NADSYN1: variants seen among roughly 807,000 people sequenced by gnomAD.
The protein encoded by NADSYN1 is NAD synthetase 1.
NADSYN1 carries 80 observed loss-of-function variants against 99.3 expected under a neutral mutation model. That is an observed-to-expected ratio of 0.81 (90% confidence interval 0.67 to 0.97). The LOEUF is 0.97. NADSYN1 is among the 50% of genes least tolerant of loss of function. The pLI, the probability that NADSYN1 is intolerant of heterozygous loss-of-function variation, is 0.00. For missense variants in NADSYN1, 859 were observed against 948.5 expected (o/e 0.91, Z 1.24); for synonymous variants, 385 against 372.1 (o/e 1.03, Z -0.40).
chr11:71,484,560 T>TG, intron 15 of NADSYN1, 113 bp downstream of exon 15: 1 of 1,424,714 alleles, frequency 7.0e-7, no homozygotes, highest in Non-Finnish European at 9.3e-7. Context: ...ATGAAGCTCA[T>TG]GGCACCGGTT....
chr11:71,490,181 T>G (rs1172529587), intron 16 of NADSYN1, among the ~76,000 whole-genome samples: 3 of 152,152 alleles, frequency 2.0e-5, no homozygotes, highest in Non-Finnish European at 2.9e-5. Context: ...CCGCCTTCTT[T>G]GGCTCACGAC....
intron 9 of NADSYN1, chr11:71,474,884 T>G (rs1254857805): frequency 2.0e-5 from 7 of 353,132 alleles, no homozygotes; most frequent in Non-Finnish European, 3.9e-5. Flanking sequence ...ACACAGCACA[T>G]AGTAGTGGAC....
At chr11:71,461,261 G>A (rs1949548737) in intron 3 of NADSYN1, among the ~76,000 whole-genome samples, 1 of 152,146 alleles carries the variant, frequency 6.6e-6, no homozygotes, top group Non-Finnish European at 1.5e-5. Context: ...TCCACTTAGA[G>A]ATCAGATATT....
At chr11:71,463,985 C>G (rs1451221176) in intron 4 of NADSYN1, 68 bp from the exon 5 acceptor site, 2 of 1,340,986 alleles carry the variant, frequency 1.5e-6, no homozygotes, top group African/African-American at 1.4e-5. Context: ...CTTGGTGGCA[C>G]TGACCACCGC....
chr11:71,499,093 C>T (rs1949840613), intron 20 of NADSYN1: 1 of 153,218 alleles, frequency 6.5e-6, no homozygotes, highest in Non-Finnish European at 1.5e-5. Flanking sequence ...CATGTAGGTT[C>T]ATCCGTATTG....
intron 1 of NADSYN1, 117 bp from the exon 2 acceptor site, chr11:71,454,993 T>G: frequency 8.7e-6 from 6 of 692,332 alleles, no homozygotes; most frequent in Non-Finnish European, 1.2e-5. Flanking sequence ...CACAGAGCAT[T>G]TTTGTTTGTT....
rs79904898 is a variant in NADSYN1 at position 71,489,597 on chromosome 11, G to A, written c.1563-1248G>A. 3.5e-3 allele frequency among the ~76,000 whole-genome samples: 531 copies of A among 152,342 alleles called. 5 individuals carry two copies. Among genetic ancestry groups the A allele is most frequent in the African/African-American group, 0.012 (502 of 41,568 alleles). ...TCATCTCCCCTGGCCCATCTGGCCC[G>A]TATCCCAGCTCCTGCTGAAGGAGCT... is the stretch of plus-strand genomic sequence containing the variant. On this transcript the variant is annotated intron_variant, in intron 16 of 20. Transcript: ENST00000319023.
At chr11:71,493,650 C>T (rs999585102) in intron 18 of NADSYN1, among the ~76,000 whole-genome samples, 4 of 152,046 alleles carry the variant, frequency 2.6e-5, no homozygotes, top group Non-Finnish European at 5.9e-5. Context: ...TAATTAGATC[C>T]GTGACCCTCC....
intron 2 of NADSYN1, 48 bp from the exon 3 acceptor site, chr11:71,458,380 C>A: frequency 6.8e-7 from 1 of 1,466,412 alleles, no homozygotes; most frequent in Non-Finnish European, 9.6e-7. Flanking sequence ...TGCCCCTCCC[C>A]GCTCACCTGA....
chr11:71,490,969 C>A lies in NADSYN1; in HGVS notation c.1687C>A (p.Leu563Met). Residue 563 changes from leucine to methionine, a missense_variant, in exon 17 of 21, where the codon CTG becomes ATG. By Grantham distance (15) the Leu-to-Met change is conservative (BLOSUM62 2). Coordinates refer to ENST00000319023, the MANE Select transcript of NADSYN1 (RefSeq NM_018161.5). ...FCIQRFQLPA[L>M]QSILLAPATA... Reference sequence around the variant, plus strand: ...CATCCAGCGCTTCCAGCTTCCTGCCCTGCAGAGGTGAGTGTGCTCACGGGC... The same window carrying A: ...CATCCAGCGCTTCCAGCTTCCTGCCATGCAGAGGTGAGTGTGCTCACGGGC... The A allele has an allele frequency of 6.2e-7, 1 of 1,614,166 alleles. No individual in the cohort carries two copies. Among genetic ancestry groups the A allele is most frequent in the Non-Finnish European group, 8.5e-7 (1 of 1,180,012 alleles).
rs758417497 is a variant in NADSYN1, at chr11:71,458,516, A to T, written c.235A>T (p.Thr79Ser). ...VLAALVESPV[T>S]QDIICDVGMP... ...AGCGGCCCTTGTGGAGTCTCCCGTC[A>T]CTCAGGACATCATCTGCGACGTGGG... Residue 79 changes from threonine to serine, a missense_variant, in exon 3 of 21, where the codon ACT (threonine) becomes TCT (serine). Coordinates refer to ENST00000319023, the MANE Select transcript of NADSYN1 (RefSeq NM_018161.5). The T allele has an allele frequency of 4.3e-6, 7 of 1,612,044 alleles. No individual in the cohort carries two copies. In the Admixed American group the frequency reaches 1.2e-4, roughly 27 times the overall value.
At position 71,484,393 on chromosome 11, in the gene NADSYN1, G is replaced by C; in HGVS notation, c.1401G>C (p.Leu467=). The C allele has an allele frequency of 1.9e-6, 3 of 1,614,230 alleles. No individual in the cohort carries two copies. Among genetic ancestry groups the C allele is most frequent in the Non-Finnish European group, 2.5e-6 (3 of 1,180,026 alleles). ...GCCTGGTGACGGGGAAGAGCCCTCT[G>C]TTTGCAGCTCATGGAGGAAGCAGCA... ...IFSLVTGKSP[L]FAAHGGSSRE... Residue 467 remains leucine (L), a synonymous_variant, in exon 15 of 21, where the codon CTG becomes CTC. Transcript: ENST00000319023.
At chr11:71,474,559 G>A in intron 9 of NADSYN1, 33 bp downstream of exon 9, 1 of 1,613,334 alleles carries the variant, frequency 6.2e-7, no homozygotes, top group East Asian at 2.2e-5. Flanking sequence ...CCTGGGGGAG[G>A]GTTCTCTGTG....
rs1949858740 is a variant in NADSYN1, at chr11:71,501,702, G to A, written c.*350G>A. On this transcript the variant is annotated 3_prime_UTR_variant, in exon 21 of 21. Transcript: ENST00000319023. ...AAGAACAGTAGCTCCCGGGAAGGGAGGGGTGTCATGAGCAGAAAATGAAGG... is the reference window on the plus strand; with the variant it reads ...AAGAACAGTAGCTCCCGGGAAGGGAAGGGTGTCATGAGCAGAAAATGAAGG... 1.0e-5 allele frequency: 3 copies of A among 300,980 alleles called. No homozygotes were observed. The East Asian group carries it at 2.1e-4, about 21-fold the overall frequency. 18.6% of individuals were successfully genotyped at this position (300,980 alleles called of 1,614,324 possible).
chr11:71,461,960 A>G (rs1949553611), intron 3 of NADSYN1, among the ~76,000 whole-genome samples: 1 of 152,242 alleles, frequency 6.6e-6, no homozygotes, highest in Non-Finnish European at 1.5e-5. Flanking sequence ...GGCCGCAGCC[A>G]GGACCGGGGC....
In NADSYN1 at chr11:71,473,619, C is replaced by T. The variant is rs1401903725; in HGVS notation, c.599C>T (p.Ser200Leu). The change falls in exon 8 of 21, where the codon TCG (serine) becomes TTG (leucine). Residue 200 changes from serine to leucine, a missense_variant. By Grantham distance (145) the Ser-to-Leu change is moderately radical (BLOSUM62 -2). Transcript: ENST00000319023. ...LDGVEIITNA[S>L]GSHQVLRKAN... ...GGCGTGGAGATCATCACCAACGCCTCGGGCAGCCACCAAGTGCTGCGCAAA... is the reference window on the plus strand; with the variant it reads ...GGCGTGGAGATCATCACCAACGCCTTGGGCAGCCACCAAGTGCTGCGCAAA... 2.3e-5 allele frequency: 37 copies of T among 1,612,998 alleles called. No homozygotes were observed. The highest frequency in any genetic ancestry group is 2.6e-5 in the Non-Finnish European group (31 of 1,179,876).
Position 71,453,306 on chromosome 11 carries a change from A to T in NADSYN1, c.10A>T (p.Lys4Ter), listed in dbSNP as rs149535743. The T allele has an allele frequency of 1.2e-6, 2 of 1,613,478 alleles. No homozygotes were observed. Among genetic ancestry groups the T allele is most frequent in the African/African-American group, 2.7e-5 (2 of 74,894 alleles). Residue 4 changes from lysine to a stop codon, truncating the protein, a stop_gained, in exon 1 of 21, where the codon AAG becomes TAG. Coordinates refer to ENST00000319023, the MANE Select transcript of NADSYN1 (RefSeq NM_018161.5). LOFTEE classifies it high-confidence loss of function. ...AGCGACTGCGGCCAGGATGGGCCGG[A>T]AGGTGACCGTGGCCACCTGCGCACT... The part of the protein sequence containing the change: MGR[K>*]VTVATCALNQ...
Position 71,463,450 on chromosome 11 carries a change from C to T in NADSYN1, c.282C>T (p.Asn94=), listed in dbSNP as rs149184563. Residue 94 remains asparagine, a synonymous_variant, in exon 4 of 21, where the codon AAC becomes AAT. Transcript: ENST00000319023. ...CCTGCAGGCCTGTAATGCACCGAAA[C>T]GTCCGCTACAACTGCAGAGTGATAT... ...CDVGMPVMHR[N]VRYNCRVIFL... 8.7e-6 allele frequency: 14 copies of T among 1,613,980 alleles called. No homozygotes were observed. Among genetic ancestry groups the T allele is most frequent in the African/African-American group, 4.0e-5 (3 of 74,908 alleles).
chr11:71,475,974 A>G, intron 9 of NADSYN1: 1 of 454,292 alleles, frequency 2.2e-6, no homozygotes, highest in Non-Finnish European at 4.4e-6. Flanking sequence ...TCAGCCTCCC[A>G]AAGTGCTGGG....
Sources: allele counts gnomAD v4.1 joint callset (sites outside exome capture counted in the v4.1 genomes callset), GRCh38; gene constraint gnomAD v4.1.1; transcripts MANE v1.5; gene names NCBI Gene and HGNC (gene_info 2026-07-23, HGNC 2026-07-21).